NRXN3: variants seen among roughly 807,000 people sequenced by gnomAD.
NRXN3 encodes the protein neurexin III.
NRXN3 carries 32 observed loss-of-function variants against 137.6 expected under a neutral mutation model. That is an observed-to-expected ratio of 0.23 (90% CI 0.18 to 0.31). The LOEUF (loss-of-function observed/expected upper bound fraction) is 0.31. Ranked by LOEUF, NRXN3 falls within the 10% of genes least tolerant of loss-of-function variation. The pLI is 1.00. For missense variants in NRXN3, 1,574 were observed against 2,062.5 expected, an observed-to-expected ratio of 0.76 and a Z score of 4.59; for synonymous variants, 798 against 784.5, an observed-to-expected ratio of 1.02 and a Z score of -0.29.
chr14:79,271,345 CAT>C (rs1483854312), intron 15 of NRXN3, among the ~76,000 whole-genome samples: 2 of 152,122 alleles, frequency 1.3e-5, no homozygotes, highest in African/African-American at 2.4e-5. Context: ...GCTTCCAACA[CAT>C]GAGTTTCCCC....
intron 4 of NRXN3, among the ~76,000 whole-genome samples, chr14:78,584,326 G>A (rs958479113): frequency 3.3e-5 from 5 of 152,190 alleles, no homozygotes; most frequent in African/African-American, 1.2e-4. Flanking sequence ...TCTAAAATGC[G>A]ACTCTTTTCT....
At chr14:78,575,025 T>G (rs2096923564) in intron 4 of NRXN3, among the ~76,000 whole-genome samples, 1 of 152,164 alleles carries the variant, frequency 6.6e-6, no homozygotes, top group South Asian at 2.1e-4. Flanking sequence ...TGCCATGCTG[T>G]TTTCATGATA....
At chr14:78,592,390 T>C (rs2097125110) in intron 4 of NRXN3, among the ~76,000 whole-genome samples, 1 of 152,130 alleles carries the variant, frequency 6.6e-6, no homozygotes, top group South Asian at 2.1e-4. Flanking sequence ...TATCGTGTGT[T>C]CTCTGACACA....
At chr14:79,403,136 G>A (rs1326413761) in intron 15 of NRXN3, among the ~76,000 whole-genome samples, 1 of 152,078 alleles carries the variant, frequency 6.6e-6, no homozygotes, top group East Asian at 1.9e-4. Flanking sequence ...AGACATTAGA[G>A]GCTCTAATAT....
chr14:79,425,694 C>T (rs1219498919), intron 15 of NRXN3, among the ~76,000 whole-genome samples: 1 of 152,166 alleles, frequency 6.6e-6, no homozygotes, highest in Admixed American at 6.5e-5. Context: ...TTCTGTCTCT[C>T]ACAATCCAGT....
intron 16 of NRXN3, among the ~76,000 whole-genome samples, chr14:79,566,422 T>G (rs533598273): frequency 6.6e-6 from 1 of 152,132 alleles, no homozygotes; most frequent in Non-Finnish European, 1.5e-5. Flanking sequence ...CAGTTAATAC[T>G]GAATTTTCTT....
At chr14:79,211,854 A>G (rs976833773) in intron 15 of NRXN3, among the ~76,000 whole-genome samples, 6 of 152,136 alleles carry the variant, frequency 3.9e-5, no homozygotes, top group African/African-American at 1.4e-4. Flanking sequence ...AGATATTTGC[A>G]GATAAGACTC....
intron 15 of NRXN3, among the ~76,000 whole-genome samples, chr14:79,039,297 G>A (rs1038899887): frequency 6.6e-6 from 1 of 151,998 alleles, no homozygotes; most frequent in African/African-American, 2.4e-5. Context: ...TCTAATTTTA[G>A]GTAATTTCTC....
intron 16 of NRXN3, among the ~76,000 whole-genome samples, chr14:79,500,877 G>T (rs2096819684): frequency 6.6e-6 from 1 of 152,216 alleles, no homozygotes; most frequent in South Asian, 2.1e-4. Flanking sequence ...GCCATTGGCA[G>T]TTTTATTGTA....
At chr14:79,415,139 G>A (rs898986042) in intron 15 of NRXN3, among the ~76,000 whole-genome samples, 103 of 151,958 alleles carry the variant, frequency 6.8e-4, no homozygotes, top group African/African-American at 2.5e-3. Flanking sequence ...CATCTGCACG[G>A]ACACTCAGGT....
intron 20 of NRXN3, among the ~76,000 whole-genome samples, chr14:79,831,970 G>A (rs771576148): frequency 1.3e-4 from 19 of 151,900 alleles, no homozygotes; most frequent in Non-Finnish European, 2.4e-4. Flanking sequence ...TATTTAACAG[G>A]CACTTTTATA....
At chr14:79,098,204 T>G (rs1305191626) in intron 15 of NRXN3, among the ~76,000 whole-genome samples, 1 of 152,200 alleles carries the variant, frequency 6.6e-6, no homozygotes, top group Non-Finnish European at 1.5e-5. Context: ...TACCCCGTCT[T>G]AGCCAATCTC....
chr14:78,896,751 G>T (rs2152725887), intron 10 of NRXN3, among the ~76,000 whole-genome samples: 1 of 152,062 alleles, frequency 6.6e-6, no homozygotes, highest in African/African-American at 2.4e-5. Context: ...TTATCAATAA[G>T]TTGGAAAGAG....
rs773093862 is a variant in NRXN3 at position 79,183,188 on chromosome 14, A to G, written c.3262+195047A>G. Among the ~76,000 whole-genome samples the G allele has an allele frequency of 2.6e-5, 4 of 152,184 alleles. No homozygotes were observed. In the South Asian group the frequency reaches 8.3e-4, roughly 32 times the overall value. ...TTGAACTTTAAAATACATATATTTG[A>G]TTCATTTAATTTTAAATAATTGAAA... is the stretch of plus-strand genomic sequence containing the variant. On this transcript the variant is annotated intron_variant, in intron 15 of 20. Transcript: ENST00000335750.
intron 2 of NRXN3, among the ~76,000 whole-genome samples, chr14:78,264,190 C>A (rs1203116177): frequency 6.6e-6 from 1 of 152,104 alleles, no homozygotes; most frequent in Admixed American, 6.5e-5. Context: ...TCTACAGCCC[C>A]TCTTGTTCAG....
At chr14:79,773,228 C>G (rs2099085019) in intron 19 of NRXN3, among the ~76,000 whole-genome samples, 1 of 152,158 alleles carries the variant, frequency 6.6e-6, no homozygotes, top group Non-Finnish European at 1.5e-5. Flanking sequence ...GGCGATTCCT[C>G]AGGGATCAAG....
intron 8 of NRXN3, among the ~76,000 whole-genome samples, chr14:78,755,771 A>G (rs962718732): frequency 6.6e-6 from 1 of 152,200 alleles, no homozygotes; most frequent in African/African-American, 2.4e-5. Context: ...TTACTCAAGC[A>G]TTTCTCAAGT....
At chr14:79,081,118 C>T (rs1398621927) in intron 15 of NRXN3, among the ~76,000 whole-genome samples, 1 of 152,142 alleles carries the variant, frequency 6.6e-6, no homozygotes, top group Non-Finnish European at 1.5e-5. Flanking sequence ...TTTTCAGAAC[C>T]ATCAATGAAG....
intron 15 of NRXN3, among the ~76,000 whole-genome samples, chr14:79,411,761 T>C (rs2095420761): frequency 6.6e-6 from 1 of 152,126 alleles, no homozygotes. Flanking sequence ...ATTCAACAAG[T>C]AAACAATTAT....
Sources: gnomAD v4.1 joint callset for allele counts (sites outside exome capture counted in the v4.1 genomes callset) on GRCh38, gnomAD v4.1.1 for gene constraint, MANE v1.5 for transcripts, NCBI Gene and HGNC (gene_info 2026-07-23, HGNC 2026-07-21) for gene names.